SPON1: variants seen among roughly 807,000 people sequenced by gnomAD.
The protein encoded by SPON1 is spondin 1.
A neutral mutation model predicts 111.7 loss-of-function variants in SPON1; 52 were observed. The ratio of observed to expected loss-of-function variants is 0.47; its 90% confidence interval spans 0.37 to 0.59. SPON1 has a LOEUF of 0.59. SPON1 is among the 20% of genes least tolerant of loss of function. The pLI is 0.00. For missense variants in SPON1, 957 were observed against 1,068.5 expected (o/e 0.90, Z 1.46); for synonymous variants, 410 against 395.8 (o/e 1.04, Z -0.43).
chr11:14,089,485 T>C (rs936637289), intron 5 of SPON1, among the ~76,000 whole-genome samples: 3 of 152,220 alleles, frequency 2.0e-5, no homozygotes, highest in Non-Finnish European at 4.4e-5. Context: ...CAAAAATTGC[T>C]GTTTGCTCCT....
chr11:14,258,384 T>C (rs1849133446), intron 11 of SPON1, among the ~76,000 whole-genome samples: 1 of 152,216 alleles, frequency 6.6e-6, no homozygotes. Context: ...TTTGCAACAG[T>C]GCAAAGGTCA....
chr11:14,058,967 G>A (rs1257629487), intron 3 of SPON1, among the ~76,000 whole-genome samples: 7 of 152,136 alleles, frequency 4.6e-5, no homozygotes, highest in East Asian at 1.9e-4. Context: ...GAATCCTCAG[G>A]GGATTATGTC....
intron 6 of SPON1, among the ~76,000 whole-genome samples, chr11:14,202,216 C>G (rs951638459): frequency 9.2e-5 from 14 of 152,172 alleles, no homozygotes; most frequent in African/African-American, 3.4e-4. Flanking sequence ...AGAGGGACAC[C>G]TAACATCAGC....
intron 2 of SPON1, among the ~76,000 whole-genome samples, chr11:14,014,768 T>G (rs1392967275): frequency 2.0e-5 from 3 of 152,238 alleles, no homozygotes; most frequent in African/African-American, 7.2e-5. Flanking sequence ...GAGGCCTGCC[T>G]CTTCTCATGC....
intron 6 of SPON1, among the ~76,000 whole-genome samples, chr11:14,195,488 A>G (rs185845138): frequency 2.6e-5 from 4 of 152,340 alleles, no homozygotes; most frequent in African/African-American, 7.2e-5. Flanking sequence ...ACACTGTAAT[A>G]CCATGGAATT....
At chr11:14,240,589 T>TTTTGTGTG (rs1379300016) in intron 6 of SPON1, among the ~76,000 whole-genome samples, 1 of 140,252 alleles carries the variant, frequency 7.1e-6, no homozygotes, top group Non-Finnish European at 1.5e-5. Context: ...AGAAGCAATA[T>TTTTGTGTG]TGTGTGTGTG....
chr11:14,088,678 G>C (rs1849026443), intron 5 of SPON1, among the ~76,000 whole-genome samples: 1 of 152,094 alleles, frequency 6.6e-6, no homozygotes, highest in African/African-American at 2.4e-5. Context: ...ATGTTGGCCT[G>C]TCTTGCTAGA....
intron 6 of SPON1, among the ~76,000 whole-genome samples, chr11:14,207,685 T>A (rs1362591490): frequency 6.6e-6 from 1 of 152,138 alleles, no homozygotes; most frequent in Non-Finnish European, 1.5e-5. Context: ...CCACTCAGAA[T>A]AGCTATTATT....
intron 6 of SPON1, among the ~76,000 whole-genome samples, chr11:14,242,933 T>A (rs1409654960): frequency 2.0e-5 from 3 of 152,220 alleles, no homozygotes; most frequent in Non-Finnish European, 4.4e-5. Context: ...TTGCAACTCC[T>A]GCTGACCCAG....
chr11:13,992,190 A>C (rs145406568), intron 2 of SPON1, among the ~76,000 whole-genome samples: 2,011 of 152,304 alleles, frequency 0.013, 15 homozygotes, highest in Non-Finnish European at 0.02. Context: ...GCTCTGTCCC[A>C]GGAAGATGGG....
intron 6 of SPON1, among the ~76,000 whole-genome samples, chr11:14,157,395 T>A (rs1314314588): frequency 2.0e-5 from 3 of 152,220 alleles, no homozygotes; most frequent in Non-Finnish European, 4.4e-5. Context: ...TGTTGAGAAG[T>A]CATCTGTCAG....
At chr11:14,103,367 G>A (rs1205357102) in intron 5 of SPON1, among the ~76,000 whole-genome samples, 8 of 152,196 alleles carry the variant, frequency 5.3e-5, no homozygotes, top group African/African-American at 1.9e-4. Flanking sequence ...GCTTTATGCT[G>A]CTGCCCTGAG....
At chr11:14,216,387 TC>T (rs1241052332) in intron 6 of SPON1, among the ~76,000 whole-genome samples, 2 of 152,018 alleles carry the variant, frequency 1.3e-5, no homozygotes, top group Admixed American at 1.3e-4. Flanking sequence ...TGCAGATGCC[TC>T]CCCCCATGAG....
chr11:14,078,096 C>T (rs1554921684), intron 4 of SPON1, among the ~76,000 whole-genome samples: 3 of 152,056 alleles, frequency 2.0e-5, no homozygotes, highest in African/African-American at 7.2e-5. Context: ...TATCACTGCC[C>T]TTTGAAAGCC....
In SPON1 at chr11:14,079,990, G is replaced by C; in HGVS notation, c.645G>C (p.Trp215Cys). The C allele has an allele frequency of 6.2e-7, 1 of 1,613,938 alleles. No individual in the cohort carries two copies. The change falls in exon 5 of 16, where the codon TGG becomes TGC. Residue 215 changes from tryptophan to cysteine, a missense_variant. Physicochemically the swap from Trp to Cys is radical, Grantham distance 215. Coordinates refer to ENST00000576479, the MANE Select transcript of SPON1 (RefSeq NM_006108.4). ...ACAGACTCACATTTTATGGGAATTG[G>C]TCCGAGAAGACACACCCAAAGGATT... ...AKYRLTFYGNWSEKTHPKDYP... is the reference protein window; with the variant it reads ...AKYRLTFYGNCSEKTHPKDYP...
intron 11 of SPON1, among the ~76,000 whole-genome samples, chr11:14,258,724 C>G (rs1042970567): frequency 6.6e-6 from 1 of 152,210 alleles, no homozygotes; most frequent in Admixed American, 6.5e-5. Flanking sequence ...TGCACTTTCA[C>G]GATGGTTTAT....
chr11:14,242,020 T>C (rs1295537462), intron 6 of SPON1, among the ~76,000 whole-genome samples: 1 of 152,068 alleles, frequency 6.6e-6, no homozygotes, highest in African/African-American at 2.4e-5. Flanking sequence ...CACCCAGGAC[T>C]GTCTGTAGGA....
At chr11:14,129,308 T>G (rs140541153) in intron 5 of SPON1, among the ~76,000 whole-genome samples, 6 of 152,314 alleles carry the variant, frequency 3.9e-5, no homozygotes, top group African/African-American at 1.2e-4. Flanking sequence ...ATCAACCAGG[T>G]CAAATCTTAA....
chr11:14,259,612 G>A lies in SPON1; in HGVS notation c.1742G>A (p.Arg581Gln), dbSNP rs1352595888. Residue 581 changes from arginine (R) to glutamine (Q), a missense_variant, in exon 13 of 16, where the codon CGG becomes CAG. Physicochemically the swap from Arg to Gln is conservative, Grantham distance 43. This residue lies in a region of SPON1 where 549 missense variants were observed against 606.2 expected (regional missense o/e 0.91). Coordinates refer to ENST00000576479, the MANE Select transcript of SPON1 (RefSeq NM_006108.4). This position sits in a 1 kb window ranked among gnomAD's most constrained non-coding sequence, Gnocchi z 5.0. ...SATCGMGMKK[R>Q]HRMIKMNPAD... Reference sequence around the variant, plus strand: ...ACCTGCGGCATGGGCATGAAGAAGCGGCACCGCATGATCAAGATGAACCCC... The same window carrying A: ...ACCTGCGGCATGGGCATGAAGAAGCAGCACCGCATGATCAAGATGAACCCC... 60 of 1,558,244 alleles carry A rather than the reference G, an allele frequency of 3.9e-5. No homozygotes were observed. The highest frequency in any genetic ancestry group is 4.5e-5 in the Non-Finnish European group (52 of 1,151,148).
Sources: allele counts gnomAD v4.1 joint callset (sites outside exome capture counted in the v4.1 genomes callset), GRCh38; gene constraint gnomAD v4.1.1; regional missense constraint gnomAD v4.1.1; non-coding constraint Gnocchi (gnomAD v3.1); transcripts MANE v1.5; gene names NCBI Gene and HGNC (gene_info 2026-07-23, HGNC 2026-07-21).